The following VPS37C variants were observed in gnomAD, a reference collection of about 807,000 sequenced individuals.
VPS37C encodes VPS37C subunit of ESCRT-I, also known as vacuolar protein sorting-associated protein 37C.
A neutral mutation model predicts 16.1 loss-of-function variants in VPS37C; 9 were observed. That is an observed-to-expected ratio of 0.56 (90% CI 0.34 to 0.97). The LOEUF is 0.97. VPS37C is among the 50% of genes least tolerant of loss of function. The pLI is 0.02. For synonymous variants in VPS37C, 207 were observed against 206.4 expected (o/e 1.00, Z -0.02); for missense variants, 479 against 472.7 (o/e 1.01, Z -0.12).
chr11:61,161,331 C>T (rs950642466), intron 1 of VPS37C, 60 bp downstream of exon 1: 1 of 152,142 alleles, frequency 6.6e-6, no homozygotes, highest in Non-Finnish European at 1.5e-5. Flanking sequence ...CCGCCCCCAC[C>T]GTCGTCCTCT....
At chr11:61,145,749 G>A (rs1035363295) in intron 1 of VPS37C, among the ~76,000 whole-genome samples, 4 of 152,200 alleles carry the variant, frequency 2.6e-5, no homozygotes, top group Admixed American at 6.5e-5. Flanking sequence ...TTCTCAGAGT[G>A]ACCCCAGCCA....
At chr11:61,155,978 G>T (rs1191313085) in intron 1 of VPS37C, among the ~76,000 whole-genome samples, 1 of 152,168 alleles carries the variant, frequency 6.6e-6, no homozygotes, top group Non-Finnish European at 1.5e-5. Context: ...GTAAACTATT[G>T]CAAGATTCTT....
chr11:61,142,975 T>TAAAAAAAA, intron 1 of VPS37C, among the ~76,000 whole-genome samples: 1 of 47,588 alleles, frequency 2.1e-5, no homozygotes, highest in Non-Finnish European at 4.2e-5. Context: ...AAAGAATAGC[T>TAAAAAAAA]AAAAAAAAAA....
intron 1 of VPS37C, among the ~76,000 whole-genome samples, chr11:61,147,732 T>C (rs560554774): frequency 1.3e-4 from 20 of 151,332 alleles, no homozygotes; most frequent in African/African-American, 4.6e-4. Context: ...AAATGCAGCA[T>C]TTTCTAGACA....
chr11:61,134,238 A>G, intron 2 of VPS37C, 31 bp from the exon 3 acceptor site: 1 of 1,594,384 alleles, frequency 6.3e-7, no homozygotes, highest in African/African-American at 1.3e-5. Context: ...AACCTAAGGA[A>G]AACGTCCATC....
intron 1 of VPS37C, among the ~76,000 whole-genome samples, chr11:61,147,981 G>A (rs752989721): frequency 1.5e-4 from 23 of 152,140 alleles, no homozygotes; most frequent in Non-Finnish European, 1.3e-4. Context: ...TCCTTAATGG[G>A]GCACCATGAT....
intron 1 of VPS37C, among the ~76,000 whole-genome samples, chr11:61,148,629 A>G (rs1464234619): frequency 6.6e-6 from 1 of 151,798 alleles, no homozygotes; most frequent in Non-Finnish European, 1.5e-5. Flanking sequence ...ACCTGATCCA[A>G]AGCAGCACTG....
chr11:61,142,352 C>T (rs1415210507), intron 1 of VPS37C, among the ~76,000 whole-genome samples: 9 of 152,186 alleles, frequency 5.9e-5, no homozygotes, highest in Admixed American at 1.3e-4. Context: ...CCACCTCAGC[C>T]TCCTAAGTAA....
intron 1 of VPS37C, among the ~76,000 whole-genome samples, chr11:61,156,035 A>G (rs1853371358): frequency 6.8e-6 from 1 of 146,510 alleles, no homozygotes; most frequent in Non-Finnish European, 1.5e-5. Context: ...GTAGCAAATT[A>G]AAGATGCATA....
At chr11:61,159,150 T>C (rs609477) in intron 1 of VPS37C, among the ~76,000 whole-genome samples, 113,654 of 152,168 alleles carry the variant, frequency 0.75, 43,964 homozygotes, top group East Asian at 1. Flanking sequence ...ACCCAAAGGC[T>C]TTTTAAGGGC....
At chr11:61,137,333 A>G (rs1444641169) in intron 2 of VPS37C, among the ~76,000 whole-genome samples, 1 of 152,122 alleles carries the variant, frequency 6.6e-6, no homozygotes, top group Non-Finnish European at 1.5e-5. Flanking sequence ...CTTCATTTCT[A>G]CCTGATCCAC....
intron 1 of VPS37C, among the ~76,000 whole-genome samples, chr11:61,159,089 C>G (rs1280455101): frequency 6.6e-6 from 1 of 152,168 alleles, no homozygotes; most frequent in South Asian, 2.1e-4. Context: ...CCTGGAAAAC[C>G]CCTACTATTA....
intron 2 of VPS37C, among the ~76,000 whole-genome samples, chr11:61,135,942 C>T (rs1032276423): frequency 6.6e-6 from 1 of 152,220 alleles, no homozygotes; most frequent in African/African-American, 2.4e-5. Context: ...TCTCCACAGC[C>T]TTCTTACATC....
chr11:61,152,603 T>C (rs1853313849), intron 1 of VPS37C, among the ~76,000 whole-genome samples: 1 of 152,150 alleles, frequency 6.6e-6, no homozygotes. Flanking sequence ...AATCTTGTGC[T>C]CCTCAGCTTG....
Position 61,130,548 on chromosome 11 carries a change from T to C in VPS37C, c.*1272A>G, listed in dbSNP as rs2134621041. On this transcript the variant is annotated 3_prime_UTR_variant, in exon 5 of 5. Transcript: ENST00000301765. ...CAGGTAGTGGACATTTCAAGGCACG[T>C]ACAACTTCCTAAGCAATAGCAGCTC... The C allele has an allele frequency of 8.0e-6, 2 of 249,784 alleles. No homozygotes were observed. Among genetic ancestry groups the C allele is most frequent in the Middle Eastern group, 1.4e-3 (1 of 726 alleles). 15.5% of individuals were successfully genotyped at this position (249,784 alleles called of 1,614,324 possible). A position where few individuals can be genotyped will look rare whatever the true frequency, so the allele number is the denominator to read the frequency against.
At chr11:61,151,500 G>A (rs370532258) in intron 1 of VPS37C, among the ~76,000 whole-genome samples, 53 of 152,244 alleles carry the variant, frequency 3.5e-4, no homozygotes, top group African/African-American at 1.3e-3. Flanking sequence ...ACCTTGGGTG[G>A]GTAATTTAAA....
At position 61,131,696 on chromosome 11, in the gene VPS37C, G is replaced by T; in HGVS notation, c.*124C>A. On this transcript the variant is annotated 3_prime_UTR_variant, in exon 5 of 5. Coordinates refer to ENST00000301765, the MANE Select transcript of VPS37C (RefSeq NM_017966.5). ...TGCCTTGTCCCTCCAAGGCCTCTGGGTGCCGACGCAAGTCCACAGGGAGCA... is the reference window on the plus strand; with the variant it reads ...TGCCTTGTCCCTCCAAGGCCTCTGGTTGCCGACGCAAGTCCACAGGGAGCA... 1.7e-6 allele frequency: 2 copies of T among 1,211,432 alleles called. No individual in the cohort carries two copies. The allele number at this position is 1,211,432 out of a possible 1,614,324, so 75.0% of individuals were successfully genotyped here. A position where few individuals can be genotyped will look rare whatever the true frequency, so the allele number is the denominator to read the frequency against.
At chr11:61,141,496 A>AAATG (rs1296310003) in intron 1 of VPS37C, among the ~76,000 whole-genome samples, 7 of 152,118 alleles carry the variant, frequency 4.6e-5, no homozygotes, top group African/African-American at 1.4e-4. Context: ...ATCCAAACCC[A>AAATG]AATGAGCTGG....
chr11:61,153,242 A>G (rs371685820), intron 1 of VPS37C, among the ~76,000 whole-genome samples: 24 of 152,328 alleles, frequency 1.6e-4, no homozygotes, highest in African/African-American at 5.3e-4. Context: ...GTGACAGTGA[A>G]TGAGGTCTCA....
Sources: gnomAD v4.1 joint callset for allele counts (sites outside exome capture counted in the v4.1 genomes callset) on GRCh38, gnomAD v4.1.1 for gene constraint, MANE v1.5 for transcripts, NCBI Gene and HGNC (gene_info 2026-07-23, HGNC 2026-07-21) for gene names.